Variants in CAP2 observed in about 807,000 individuals in gnomAD.
CAP2 encodes the protein adenylyl cyclase-associated protein 2.
A neutral mutation model predicts 57.7 loss-of-function variants in CAP2; 24 were observed. The observed-to-expected ratio is 0.42, with a 90% CI of 0.30 to 0.58. The LOEUF is 0.58. Ranked by LOEUF, CAP2 falls within the 20% of genes least tolerant of loss-of-function variation. The pLI, the probability that CAP2 is intolerant of heterozygous loss-of-function variation, is 0.22. For synonymous variants in CAP2, 194 were observed against 207.2 expected (o/e 0.94, Z 0.55); for missense variants, 501 against 590.3 (o/e 0.85, Z 1.57).
intron 9 of CAP2, 83 bp downstream of exon 9, chr6:17,541,231 G>A: frequency 9.0e-7 from 1 of 1,113,764 alleles, no homozygotes; most frequent in Non-Finnish European, 1.3e-6. Flanking sequence ...AAGATCTGAA[G>A]GATTTCTTTT....
At chr6:17,546,387 GGTTGTTTGTT>G (rs1398865343) in intron 11 of CAP2, among the ~76,000 whole-genome samples, 1 of 152,052 alleles carries the variant, frequency 6.6e-6, no homozygotes, top group Non-Finnish European at 1.5e-5. Flanking sequence ...TTTTTGATGG[GGTTGTTTGTT>G]TTTTTCTTGT....
At chr6:17,493,787 A>T (rs990661153) in intron 4 of CAP2, among the ~76,000 whole-genome samples, 1 of 151,964 alleles carries the variant, frequency 6.6e-6, no homozygotes, top group Non-Finnish European at 1.5e-5. Flanking sequence ...AAAAAAAAAA[A>T]AAAGCAAGCC....
intron 3 of CAP2, among the ~76,000 whole-genome samples, chr6:17,428,088 T>G (rs1239958559): frequency 6.6e-6 from 1 of 152,198 alleles, no homozygotes; most frequent in African/African-American, 2.4e-5. Context: ...TACTTAACAC[T>G]ATTAAGCTGT....
chr6:17,439,074 G>A (rs1189695394), intron 3 of CAP2, among the ~76,000 whole-genome samples: 1 of 150,952 alleles, frequency 6.6e-6, no homozygotes, highest in Non-Finnish European at 1.5e-5. Context: ...TTGTGCCATT[G>A]CACTCCAGCC....
At chr6:17,461,272 T>C (rs1032804614) in intron 3 of CAP2, among the ~76,000 whole-genome samples, 7 of 151,938 alleles carry the variant, frequency 4.6e-5, no homozygotes, top group Non-Finnish European at 7.4e-5. Flanking sequence ...CAGTCTGAAG[T>C]CTGAAGCGCA....
intron 11 of CAP2, among the ~76,000 whole-genome samples, chr6:17,550,065 C>T (rs770356247): frequency 3.3e-5 from 5 of 152,070 alleles, no homozygotes; most frequent in Non-Finnish European, 7.3e-5. Flanking sequence ...TAGTTTAACT[C>T]GTATAGCAGC....
intron 7 of CAP2, among the ~76,000 whole-genome samples, chr6:17,535,880 C>T (rs1412635271): frequency 6.6e-6 from 1 of 152,048 alleles, no homozygotes; most frequent in Non-Finnish European, 1.5e-5. Context: ...ATGTTGCTAC[C>T]TCCTCCACCC....
At chr6:17,531,974 A>G (rs1178575332) in intron 7 of CAP2, among the ~76,000 whole-genome samples, 2 of 152,066 alleles carry the variant, frequency 1.3e-5, no homozygotes, top group Non-Finnish European at 2.9e-5. Context: ...CTGTTTCCTC[A>G]TCAAGTACCC....
chr6:17,436,081 CTTT>C, intron 3 of CAP2, among the ~76,000 whole-genome samples: 2 of 125,966 alleles, frequency 1.6e-5, no homozygotes, highest in African/African-American at 6.1e-5. Context: ...TTCTTTCTTT[CTTT>C]CTTTCCTTCC....
At chr6:17,537,893 C>A (rs901045808) in intron 7 of CAP2, among the ~76,000 whole-genome samples, 1 of 151,892 alleles carries the variant, frequency 6.6e-6, no homozygotes. Context: ...ATGGCAAAAC[C>A]CTGTGTCTAC....
chr6:17,463,119 T>C (rs575737149), intron 4 of CAP2, 46 bp downstream of exon 4: 2 of 1,369,572 alleles, frequency 1.5e-6, no homozygotes, highest in South Asian at 1.2e-5. Context: ...GTATGCGCAG[T>C]GTAAGATGGA....
chr6:17,546,670 G>T (rs565613263), intron 11 of CAP2, among the ~76,000 whole-genome samples: 3 of 152,244 alleles, frequency 2.0e-5, no homozygotes, highest in African/African-American at 7.2e-5. Flanking sequence ...AGGTATTGAT[G>T]GGACGTATCT....
intron 3 of CAP2, among the ~76,000 whole-genome samples, chr6:17,431,866 T>C (rs1187801597): frequency 6.6e-6 from 1 of 152,070 alleles, no homozygotes; most frequent in Non-Finnish European, 1.5e-5. Context: ...GGTTTCCAAA[T>C]GAAGAGCTTG....
At chr6:17,471,545 AAGTT>A (rs1300934620) in intron 4 of CAP2, among the ~76,000 whole-genome samples, 1 of 152,160 alleles carries the variant, frequency 6.6e-6, no homozygotes, top group Non-Finnish European at 1.5e-5. Context: ...AAAGGTAAAA[AAGTT>A]AGGCCGGGCA....
chr6:17,484,913 G>A (rs1761384029), intron 4 of CAP2, among the ~76,000 whole-genome samples: 1 of 152,160 alleles, frequency 6.6e-6, no homozygotes, highest in African/African-American at 2.4e-5. Flanking sequence ...CTTTACCAAA[G>A]ATGATTTTAT....
chr6:17,457,399 C>A (rs183519124), intron 3 of CAP2, among the ~76,000 whole-genome samples: 2 of 152,154 alleles, frequency 1.3e-5, no homozygotes, highest in African/African-American at 2.4e-5. Flanking sequence ...TCAGCAGGTT[C>A]GGTAAAATTG....
At chr6:17,453,299 T>G (rs1243510869) in intron 3 of CAP2, among the ~76,000 whole-genome samples, 2 of 152,208 alleles carry the variant, frequency 1.3e-5, no homozygotes, top group Non-Finnish European at 2.9e-5. Context: ...ACTTCTCTAT[T>G]GAGGTCTAGA....
intron 6 of CAP2, among the ~76,000 whole-genome samples, chr6:17,511,416 A>C (rs1762145041): frequency 6.6e-6 from 1 of 152,108 alleles, no homozygotes; most frequent in South Asian, 2.1e-4. Flanking sequence ...TGCAACGCTT[A>C]CCACCAGCTT....
chr6:17,539,574 C>G, intron 8 of CAP2, 116 bp downstream of exon 8: 1 of 767,758 alleles, frequency 1.3e-6, no homozygotes, highest in South Asian at 1.8e-5. Flanking sequence ...CTCCAGCATG[C>G]AGGGAGAGGG....
Sources: allele counts gnomAD v4.1 joint callset (sites outside exome capture counted in the v4.1 genomes callset), GRCh38; gene constraint gnomAD v4.1.1; transcripts MANE v1.5; gene names NCBI Gene and HGNC (gene_info 2026-07-23, HGNC 2026-07-21).